DIAPH3: variants seen among roughly 807,000 people sequenced by gnomAD.
DIAPH3 encodes the protein protein diaphanous homolog 3.
Under a neutral mutation model 144.3 loss-of-function variants are expected in DIAPH3, and 117 were observed. The observed-to-expected ratio is 0.81, with a 90% confidence interval of 0.70 to 0.95. DIAPH3 has a LOEUF of 0.95. Ranked by LOEUF, DIAPH3 falls within the 40% of genes least tolerant of loss-of-function variation. DIAPH3 has a pLI of 0.00. For missense variants in DIAPH3, 1,421 were observed against 1,412.7 expected (o/e 1.01, Z -0.09); for synonymous variants, 519 against 488.9 (o/e 1.06, Z -0.81).
At chr13:60,103,267 C>A (rs918078989) in intron 3 of DIAPH3, among the ~76,000 whole-genome samples, 1 of 151,954 alleles carries the variant, frequency 6.6e-6, no homozygotes, top group Non-Finnish European at 1.5e-5. Flanking sequence ...ATTTTTCCAA[C>A]TGAATTACAC....
chr13:59,789,527 A>T (rs2039220067), intron 25 of DIAPH3, among the ~76,000 whole-genome samples: 1 of 152,226 alleles, frequency 6.6e-6, no homozygotes, highest in Non-Finnish European at 1.5e-5. Context: ...TAATTCAATA[A>T]GAATTAAAAA....
chr13:59,939,827 G>A (rs1452304222), intron 17 of DIAPH3, among the ~76,000 whole-genome samples: 1 of 127,126 alleles, frequency 7.9e-6, no homozygotes, highest in Non-Finnish European at 1.7e-5. Flanking sequence ...TCTACAGGGA[G>A]AATGAGGCGT....
intron 27 of DIAPH3, among the ~76,000 whole-genome samples, chr13:59,763,695 T>A (rs989937954): frequency 6.6e-6 from 1 of 151,970 alleles, no homozygotes; most frequent in African/African-American, 2.4e-5. Context: ...AAAAAAAAAT[T>A]GTCTTTGATA....
At chr13:59,939,244 T>C (rs1429982415) in intron 17 of DIAPH3, among the ~76,000 whole-genome samples, 1 of 152,184 alleles carries the variant, frequency 6.6e-6, no homozygotes, top group Admixed American at 6.5e-5. Flanking sequence ...TTTGACTATT[T>C]ATATAATGAT....
At chr13:59,772,703 T>C (rs1172973216) in intron 27 of DIAPH3, among the ~76,000 whole-genome samples, 2 of 152,062 alleles carry the variant, frequency 1.3e-5, no homozygotes, top group Non-Finnish European at 2.9e-5. Flanking sequence ...TAAAAATATA[T>C]ATTTTAAATT....
intron 20 of DIAPH3, among the ~76,000 whole-genome samples, chr13:59,904,947 C>T (rs1347155057): frequency 2.6e-5 from 4 of 151,770 alleles, no homozygotes; most frequent in South Asian, 2.1e-4. Context: ...CATTTAATAA[C>T]CAAGAAATAT....
intron 16 of DIAPH3, 28 bp from the exon 17 acceptor site, chr13:59,970,086 C>T: frequency 7.3e-7 from 1 of 1,363,658 alleles, no homozygotes; most frequent in Non-Finnish European, 1.0e-6. Flanking sequence ...ACTGATTCAT[C>T]AATAGGTGAG....
chr13:59,969,449 T>C (rs185485365), intron 17 of DIAPH3, among the ~76,000 whole-genome samples: 50 of 152,308 alleles, frequency 3.3e-4, no homozygotes, highest in South Asian at 4.1e-4. Context: ...GTTTGTTACA[T>C]AGGTATACAC....
chr13:59,831,279 AT>A (rs2041764237), intron 24 of DIAPH3, among the ~76,000 whole-genome samples: 1 of 151,810 alleles, frequency 6.6e-6, no homozygotes, highest in South Asian at 2.1e-4. Flanking sequence ...ATGTTTGATA[AT>A]TTGCCGGAAG....
At chr13:59,874,706 A>C (rs1283191679) in intron 21 of DIAPH3, among the ~76,000 whole-genome samples, 21 of 152,168 alleles carry the variant, frequency 1.4e-4, no homozygotes, top group Admixed American at 1.4e-3. Flanking sequence ...TGTTTCTGCA[A>C]TTTTCCCAAA....
At chr13:60,139,774 C>T (rs1312839952) in intron 1 of DIAPH3, among the ~76,000 whole-genome samples, 2 of 152,170 alleles carry the variant, frequency 1.3e-5, no homozygotes, top group African/African-American at 4.8e-5. Context: ...TGAATGAACT[C>T]ATTCAATGTT....
chr13:59,846,798 G>A (rs945356408), intron 22 of DIAPH3, among the ~76,000 whole-genome samples: 1 of 152,132 alleles, frequency 6.6e-6, no homozygotes, highest in Non-Finnish European at 1.5e-5. Flanking sequence ...CTGTGCTGCC[G>A]GGTGCAGTGG....
chr13:59,950,838 ATATT>A (rs2049056332), intron 17 of DIAPH3, among the ~76,000 whole-genome samples: 1 of 152,114 alleles, frequency 6.6e-6, no homozygotes, highest in African/African-American at 2.4e-5. Context: ...CTATATATAT[ATATT>A]GTTATTTACT....
chr13:59,966,184 G>A (rs1343241041), intron 17 of DIAPH3, among the ~76,000 whole-genome samples: 1 of 152,022 alleles, frequency 6.6e-6, no homozygotes, highest in Non-Finnish European at 1.5e-5. Flanking sequence ...CTACAGATAT[G>A]GCACAAGGTA....
chr13:60,151,749 GC>G (rs1951798389), intron 1 of DIAPH3, among the ~76,000 whole-genome samples: 1 of 152,036 alleles, frequency 6.6e-6, no homozygotes, highest in Non-Finnish European at 1.5e-5. Context: ...AACAATAAGA[GC>G]AAAATTATAC....
intron 9 of DIAPH3, among the ~76,000 whole-genome samples, chr13:60,005,742 A>G (rs2052825835): frequency 6.6e-6 from 1 of 152,136 alleles, no homozygotes; most frequent in Non-Finnish European, 1.5e-5. Flanking sequence ...TGGCCTCCCA[A>G]AGTGCTAGGA....
chr13:59,897,338 A>G (rs1351996597), intron 20 of DIAPH3, among the ~76,000 whole-genome samples: 2 of 152,258 alleles, frequency 1.3e-5, no homozygotes, highest in Non-Finnish European at 2.9e-5. Flanking sequence ...TCTATATCAC[A>G]AAGAGAATAA....
intron 25 of DIAPH3, among the ~76,000 whole-genome samples, chr13:59,801,529 A>G (rs1361089674): frequency 1.3e-5 from 2 of 152,196 alleles, no homozygotes; most frequent in Admixed American, 6.5e-5. Flanking sequence ...ACTGTCACTT[A>G]TACCCATTAA....
At chr13:59,876,716 G>C (rs148962599) in intron 21 of DIAPH3, among the ~76,000 whole-genome samples, 111 of 152,292 alleles carry the variant, frequency 7.3e-4, no homozygotes, top group African/African-American at 2.6e-3. Context: ...ATAAGGACAT[G>C]AGGAAGAGCA....
Sources: gnomAD v4.1 joint callset for allele counts (sites outside exome capture counted in the v4.1 genomes callset) on GRCh38, gnomAD v4.1.1 for gene constraint, MANE v1.5 for transcripts, NCBI Gene and HGNC (gene_info 2026-07-23, HGNC 2026-07-21) for gene names.